The following PGM3 variants were observed in gnomAD, a reference collection of about 807,000 sequenced individuals.
The protein encoded by PGM3 is phosphoglucomutase 3.
A neutral mutation model predicts 66.2 loss-of-function variants in PGM3; 40 were observed. The observed-to-expected ratio is 0.60, with a 90% CI of 0.47 to 0.79. PGM3 has a LOEUF of 0.79. Ranked by LOEUF, PGM3 falls within the 30% of genes least tolerant of loss-of-function variation. The pLI, the probability that PGM3 is intolerant of heterozygous loss-of-function variation, is 0.00. For synonymous variants in PGM3, 191 were observed against 224.2 expected (o/e 0.85, Z 1.32); for missense variants, 537 against 643.4 (o/e 0.83, Z 1.79).
chr6:83,169,701 G>C, intron 12 of PGM3: 1 of 459,978 alleles, frequency 2.2e-6, no homozygotes, highest in Non-Finnish European at 4.4e-6. Context: ...GATGGCTTAA[G>C]CTTCTGCAGG....
At chr6:83,180,101 C>T (rs1788065924) in intron 6 of PGM3, 134 bp from the exon 7 acceptor site, 2 of 592,146 alleles carry the variant, frequency 3.4e-6, no homozygotes, top group Non-Finnish European at 2.7e-6. Context: ...TTAAATAGTA[C>T]ATAGTTTATT....
chr6:83,183,193 A>G (rs1788324022), intron 4 of PGM3, among the ~76,000 whole-genome samples: 1 of 152,252 alleles, frequency 6.6e-6, no homozygotes, highest in South Asian at 2.1e-4. Context: ...ATGTAAATAT[A>G]AAGCAATACA....
At chr6:83,176,927 T>C (rs1787814986) in intron 8 of PGM3, among the ~76,000 whole-genome samples, 1 of 152,150 alleles carries the variant, frequency 6.6e-6, no homozygotes. Context: ...GGCAGGCAAA[T>C]GGGCCCCAGA....
intron 8 of PGM3, among the ~76,000 whole-genome samples, chr6:83,177,496 C>T (rs545423695): frequency 5.3e-5 from 8 of 152,180 alleles, no homozygotes; most frequent in African/African-American, 1.9e-4. Context: ...AAGTATTAAG[C>T]CAAACTGATG....
chr6:83,153,506 C>T, the PGM3 span: 2 of 1,574,570 alleles, frequency 1.3e-6, no homozygotes, highest in Non-Finnish European at 1.7e-6. Flanking sequence ...TTTATGTTTT[C>T]ATAGGTTTTG....
At chr6:83,191,114 C>T (rs1789007496) in intron 1 of PGM3, 100 bp from the exon 2 acceptor site, 1 of 1,461,884 alleles carries the variant, frequency 6.8e-7, no homozygotes, top group Admixed American at 1.9e-5. Flanking sequence ...CTGTCTCATC[C>T]TGAACCTCCT....
chr6:83,170,642 C>T, intron 11 of PGM3, 164 bp from the exon 12 acceptor site: 2 of 609,904 alleles, frequency 3.3e-6, no homozygotes, highest in Non-Finnish European at 5.6e-6. Context: ...TGCAACTTTT[C>T]TCTTTTTCTT....
rs771518793 is a variant in PGM3, at chr6:83,172,108, TTGGAAA to T, written c.1243-55_1243-50del. ...AGAAACCACTTAACACAAGCAAATC[TTGGAAA>T]TGGATGTTTTTTCTTAGAAAACCAA... On this transcript the variant is annotated intron_variant, in intron 10 of 12. Coordinates refer to ENST00000513973, the MANE Select transcript of PGM3 (RefSeq NM_015599.3). 21 of 1,599,610 alleles carry T rather than the reference TTGGAAA, an allele frequency of 1.3e-5. No homozygotes were observed. In the East Asian group the frequency reaches 4.0e-4, roughly 31 times the overall value.
chr6:83,179,704 T>A, intron 7 of PGM3, 106 bp downstream of exon 7: 1 of 843,392 alleles, frequency 1.2e-6, no homozygotes, highest in Non-Finnish European at 1.8e-6. Flanking sequence ...CCCACTAATG[T>A]AAAGAATTTG....
At chr6:83,186,611 C>A (rs1788601229) in intron 4 of PGM3, among the ~76,000 whole-genome samples, 1 of 152,194 alleles carries the variant, frequency 6.6e-6, no homozygotes, top group Admixed American at 6.5e-5. Context: ...TATTTCCCAT[C>A]ACTACTTGAC....
intron 1 of PGM3, chr6:83,191,268 T>C: frequency 2.0e-6 from 3 of 1,533,782 alleles, no homozygotes; most frequent in Non-Finnish European, 2.6e-6. Context: ...TCTCCTCCCA[T>C]TTTAGCTCCA....
At chr6:83,152,358 A>G in the PGM3 span, 1 of 1,524,288 alleles carries the variant, frequency 6.6e-7, no homozygotes, top group Non-Finnish European at 8.8e-7. Flanking sequence ...CATTGACATT[A>G]CTCTCTGAGG....
chr6:83,166,012 C>A lies in PGM3; in HGVS notation c.*3222G>T. 1 of 299,460 alleles carries A rather than the reference C, an allele frequency of 3.3e-6. No homozygotes were observed. The allele number at this position is 299,460 out of a possible 1,614,324, so 18.6% of individuals were successfully genotyped here. The stretch of plus-strand genomic sequence containing the variant: ...TTGGGAAGTGCTTTGGAGCTTCTTT[C>A]AGTCCAGCCACTGAGCTGGTCATCG... On this transcript the variant is annotated 3_prime_UTR_variant, in exon 13 of 13. Coordinates refer to ENST00000513973, the MANE Select transcript of PGM3 (RefSeq NM_015599.3).
chr6:83,168,150 G>A lies in PGM3; in HGVS notation c.*1084C>T. 1.9e-6 allele frequency: 3 copies of A among 1,612,080 alleles called. No individual in the cohort carries two copies. The highest frequency in any genetic ancestry group is 2.5e-6 in the Non-Finnish European group (3 of 1,179,432). Reference sequence around the variant, plus strand: ...GATGGTAGAAAAAGATTTTCTGGAAGGGATGATAAAAACTTGAGCACCATT... The same window carrying A: ...GATGGTAGAAAAAGATTTTCTGGAAAGGATGATAAAAACTTGAGCACCATT... On this transcript the variant is annotated 3_prime_UTR_variant, in exon 13 of 13. Transcript: ENST00000513973.
Position 83,167,579 on chromosome 6 carries a change from T to G in PGM3, c.*1655A>C. On this transcript the variant is annotated 3_prime_UTR_variant, in exon 13 of 13. Transcript: ENST00000513973. ...TACAAAGCACAACATAAAACTTTTA[T>G]GTTTGACTCTATTCCTGTTCAAAGC... is the stretch of plus-strand genomic sequence containing the variant. 9.0e-7 allele frequency: 1 copy of G among 1,106,114 alleles called. No homozygotes were observed. The highest frequency in any genetic ancestry group is 1.1e-6 in the Non-Finnish European group (1 of 909,182). The allele number at this position is 1,106,114 out of a possible 1,614,324, so 68.5% of individuals were successfully genotyped here.
At position 83,169,278 on chromosome 6, in the gene PGM3, G is replaced by A. The variant is rs768292010; in HGVS notation, c.1585C>T (p.Gln529Ter). The A allele has an allele frequency of 3.1e-6, 5 of 1,614,040 alleles. No individual in the cohort carries two copies. Among genetic ancestry groups the A allele is most frequent in the African/African-American group, 2.7e-5 (2 of 75,052 alleles). ...CTTTCTCCAATTCCTCCAGCCAGCT[G>A]AAATACTGCCAAGCTCACTTCATGT... is the stretch of plus-strand genomic sequence containing the variant. ...LAHEVSLAVF[Q>*]LAGGIGERPQ... Residue 529 changes from glutamine to a stop codon, truncating the protein, a stop_gained, in exon 13 of 13, where the codon CAG becomes TAG. Coordinates refer to ENST00000513973, the MANE Select transcript of PGM3 (RefSeq NM_015599.3). LOFTEE classifies it high-confidence loss of function.
chr6:83,189,440 G>A (rs1442090941), intron 2 of PGM3, among the ~76,000 whole-genome samples: 2 of 152,212 alleles, frequency 1.3e-5, no homozygotes, highest in African/African-American at 4.8e-5. Context: ...CAATAAATGT[G>A]AGGGTCTTCC....
chr6:83,163,100 T>C (rs116107328), downstream of PGM3, among the ~76,000 whole-genome samples: 704 of 152,222 alleles, frequency 4.6e-3, 6 homozygotes, highest in African/African-American at 0.016. Flanking sequence ...AGAAAACATA[T>C]CGTATGTATT....
At position 83,168,537 on chromosome 6, in the gene PGM3, G is replaced by C; in HGVS notation, c.*697C>G. On this transcript the variant is annotated 3_prime_UTR_variant, in exon 13 of 13. Coordinates refer to ENST00000513973, the MANE Select transcript of PGM3 (RefSeq NM_015599.3). ...TTTTTCTCTTTTCCTTATTAACCAT[G>C]TTCTGGTATCAGAATGGTGTTCCTT... 1 of 1,005,136 alleles carries C rather than the reference G, an allele frequency of 9.9e-7. No individual in the cohort carries two copies. The highest frequency in any genetic ancestry group is 1.2e-6 in the Non-Finnish European group (1 of 842,774). The allele number at this position is 1,005,136 out of a possible 1,614,324, so 62.3% of individuals were successfully genotyped here.
Sources: allele counts gnomAD v4.1 joint callset (sites outside exome capture counted in the v4.1 genomes callset), GRCh38; gene constraint gnomAD v4.1.1; transcripts MANE v1.5; gene names NCBI Gene and HGNC (gene_info 2026-07-23, HGNC 2026-07-21).